FTO: variants seen among roughly 807,000 people sequenced by gnomAD.
The protein encoded by FTO is FTO alpha-ketoglutarate dependent dioxygenase, also known as alpha-ketoglutarate-dependent dioxygenase FTO.
In FTO, 47 loss-of-function variants were observed where a neutral mutation model predicts 63.9. That is an observed-to-expected ratio of 0.74 (90% confidence interval 0.58 to 0.94). The LOEUF is 0.94. Ranked by LOEUF, FTO falls within the 40% of genes least tolerant of loss-of-function variation. The pLI, the probability that FTO is intolerant of heterozygous loss-of-function variation, is 0.00. For synonymous variants in FTO, 207 were observed against 224.4 expected, an observed-to-expected ratio of 0.92 and a Z score of 0.69; for missense variants, 562 against 618.1, an observed-to-expected ratio of 0.91 and a Z score of 0.96.
intron 8 of FTO, among the ~76,000 whole-genome samples, chr16:54,077,406 G>A (rs573475586): frequency 6.6e-6 from 1 of 152,220 alleles, no homozygotes; most frequent in East Asian, 1.9e-4. Flanking sequence ...TTTTTTAGCT[G>A]GTATTGGTGA....
At chr16:53,829,511 A>G (rs2079091120) in intron 3 of FTO, among the ~76,000 whole-genome samples, 1 of 152,240 alleles carries the variant, frequency 6.6e-6, no homozygotes, top group African/African-American at 2.4e-5. Context: ...ATATCTGTTT[A>G]GTTTTCTGGT....
chr16:53,704,284 G>A, intron 1 of FTO, 55 bp downstream of exon 1: 1 of 1,516,582 alleles, frequency 6.6e-7, no homozygotes, highest in Non-Finnish European at 9.0e-7. Flanking sequence ...CAAGGATCAG[G>A]GAACCGGAAG....
intron 8 of FTO, among the ~76,000 whole-genome samples, chr16:53,941,716 C>T (rs1010134611): frequency 1.6e-4 from 25 of 152,096 alleles, no homozygotes; most frequent in African/African-American, 4.6e-4. Context: ...GGCACGGTGG[C>T]GCACACCTGT....
intron 1 of FTO, among the ~76,000 whole-genome samples, chr16:53,764,751 T>G (rs983643575): frequency 1.3e-5 from 2 of 152,146 alleles, no homozygotes; most frequent in Non-Finnish European, 2.9e-5. Context: ...AGACACAGTT[T>G]CACTGTAGCC....
chr16:54,068,793 A>G (rs1263890302), intron 8 of FTO, among the ~76,000 whole-genome samples: 1 of 152,100 alleles, frequency 6.6e-6, no homozygotes, highest in Non-Finnish European at 1.5e-5. Flanking sequence ...GGCTATTGAC[A>G]TATATCTCTC....
In FTO at chr16:53,794,289, C is replaced by G. The variant is rs1179492512; in HGVS notation, c.46-15851C>G. ...TAAGCTCACAGTTTGTACATACCTT[C>G]TGCTCTAAATTCATAGGAATGGCAG... On this transcript the variant is annotated intron_variant, in intron 1 of 8. Coordinates refer to ENST00000471389, the MANE Select transcript of FTO (RefSeq NM_001080432.3). Among the ~76,000 whole-genome samples the G allele has an allele frequency of 3.9e-5, 6 of 152,192 alleles. 1 individual carries two copies. The highest frequency in any genetic ancestry group is 1.3e-4 in the Admixed American group (2 of 15,276).
intron 1 of FTO, among the ~76,000 whole-genome samples, chr16:53,789,841 CCAGA>C (rs2077852072): frequency 6.9e-6 from 1 of 145,088 alleles, no homozygotes; most frequent in Non-Finnish European, 1.5e-5. Flanking sequence ...TATGTATATT[CCAGA>C]CAAATTATAT....
chr16:53,923,767 G>T (rs2082066151), intron 7 of FTO, among the ~76,000 whole-genome samples: 1 of 151,770 alleles, frequency 6.6e-6, no homozygotes, highest in Admixed American at 6.6e-5. Flanking sequence ...GAGCTCTGAG[G>T]TCTAGCTTTC....
intron 4 of FTO, among the ~76,000 whole-genome samples, chr16:53,872,017 G>C (rs2080514420): frequency 6.6e-6 from 1 of 152,140 alleles, no homozygotes; most frequent in South Asian, 2.1e-4. Flanking sequence ...ATGAGCCACT[G>C]TGCCTGGCCA....
At chr16:53,894,662 A>T (rs2151915285) in intron 7 of FTO, among the ~76,000 whole-genome samples, 1 of 150,306 alleles carries the variant, frequency 6.7e-6, no homozygotes, top group African/African-American at 2.4e-5. Flanking sequence ...AATTTTTTTC[A>T]CCCTTCTTTT....
At chr16:53,951,708 CCTGT>C (rs1244288699) in intron 8 of FTO, among the ~76,000 whole-genome samples, 4 of 152,068 alleles carry the variant, frequency 2.6e-5, no homozygotes, top group African/African-American at 9.7e-5. Context: ...ACTGATTCCT[CCTGT>C]CTAACTGAAT....
intron 8 of FTO, among the ~76,000 whole-genome samples, chr16:54,028,692 T>G (rs1387974584): frequency 6.6e-6 from 1 of 152,206 alleles, no homozygotes; most frequent in African/African-American, 2.4e-5. Flanking sequence ...AAGCTAGTGA[T>G]GTAGATTGGT....
chr16:53,822,098 C>T (rs1397784532), intron 2 of FTO, among the ~76,000 whole-genome samples: 1 of 152,122 alleles, frequency 6.6e-6, no homozygotes, highest in African/African-American at 2.4e-5. Flanking sequence ...TGTAATTTTA[C>T]ACTGGGCCCA....
chr16:53,943,529 G>A (rs2082585043), intron 8 of FTO, among the ~76,000 whole-genome samples: 1 of 152,176 alleles, frequency 6.6e-6, no homozygotes, highest in South Asian at 2.1e-4. Context: ...TGTTTTCTAA[G>A]CACTGTTCCA....
chr16:54,019,622 C>A (rs1348223488), intron 8 of FTO, among the ~76,000 whole-genome samples: 2 of 105,954 alleles, frequency 1.9e-5, no homozygotes, highest in East Asian at 2.5e-4. Flanking sequence ...ACCAGGAACA[C>A]CTCGGTTTCT....
chr16:53,845,239 CT>C (rs1230648487), intron 4 of FTO, among the ~76,000 whole-genome samples: 2 of 152,256 alleles, frequency 1.3e-5, no homozygotes, highest in South Asian at 4.1e-4. Context: ...TCCTATCTAC[CT>C]GGAGAAATCT....
At chr16:54,105,290 C>A (rs1420621933) in intron 8 of FTO, among the ~76,000 whole-genome samples, 1 of 152,170 alleles carries the variant, frequency 6.6e-6, no homozygotes, top group African/African-American at 2.4e-5. Flanking sequence ...AATAGTCCTT[C>A]TAGAAACTGG....
intron 1 of FTO, among the ~76,000 whole-genome samples, chr16:53,725,191 A>G (rs1177718674): frequency 6.6e-6 from 1 of 152,154 alleles, no homozygotes; most frequent in Non-Finnish European, 1.5e-5. Flanking sequence ...AGTTCACGTT[A>G]TACTGTGAGG....
In FTO at chr16:53,967,561, C is replaced by T. The variant is rs537714037; in HGVS notation, c.1364+33452C>T. On this transcript the variant is annotated intron_variant, in intron 8 of 8. Coordinates refer to ENST00000471389, the MANE Select transcript of FTO (RefSeq NM_001080432.3). ...CTAGTGGCTAGAGCTTACAAGCCAA[C>T]GCAGTGAAATTAGCATATGTTACAT... 7.2e-5 allele frequency among the ~76,000 whole-genome samples: 11 copies of T among 152,244 alleles called. No individual in the cohort carries two copies. In the South Asian group the frequency reaches 8.3e-4, roughly 11 times the overall value.
Sources: gnomAD v4.1 joint callset for allele counts (sites outside exome capture counted in the v4.1 genomes callset) on GRCh38, gnomAD v4.1.1 for gene constraint, MANE v1.5 for transcripts, NCBI Gene and HGNC (gene_info 2026-07-23, HGNC 2026-07-21) for gene names.